PYHIN1: variants seen among roughly 807,000 people sequenced by gnomAD.
PYHIN1 encodes the protein pyrin and HIN domain-containing protein 1.
In PYHIN1, 32 loss-of-function variants were observed where a neutral mutation model predicts 43.7. The ratio of observed to expected loss-of-function variants is 0.73; its 90% confidence interval spans 0.55 to 0.98. PYHIN1 has a LOEUF of 0.98. Ranked by LOEUF, PYHIN1 falls within the 50% of genes least tolerant of loss-of-function variation. The probability of loss-of-function intolerance (pLI) is 0.00; values close to 1 mark genes in which losing one functional copy is unlikely to be tolerated. For synonymous variants in PYHIN1, 205 were observed against 203.1 expected (o/e 1.01, Z -0.08); for missense variants, 588 against 589.5 (o/e 1.00, Z 0.03).
intron 7 of PYHIN1, among the ~76,000 whole-genome samples, chr1:158,962,587 C>CA (rs779665714): frequency 2.3e-4 from 35 of 152,196 alleles, no homozygotes; most frequent in Admixed American, 3.3e-4. Context: ...GAGAAAATCT[C>CA]AGAGACAACC....
chr1:158,964,442 G>T (rs1184921868), intron 7 of PYHIN1, among the ~76,000 whole-genome samples: 1 of 152,050 alleles, frequency 6.6e-6, no homozygotes, highest in African/African-American at 2.4e-5. Context: ...TTCCAAGGTC[G>T]AAATGAATTT....
At chr1:158,934,071 A>G (rs1648345889) in intron 1 of PYHIN1, among the ~76,000 whole-genome samples, 2 of 152,098 alleles carry the variant, frequency 1.3e-5, no homozygotes, top group Admixed American at 1.3e-4. Context: ...TTTTCCTTCA[A>G]GACAAGATGA....
At chr1:158,979,508 CTTCATTAAGAAAGAATAACA>C (rs1651414389), downstream of PYHIN1, among the ~76,000 whole-genome samples, 2 of 152,026 alleles carry the variant, frequency 1.3e-5, no homozygotes, top group African/African-American at 2.4e-5. Flanking sequence ...GCAGAATTTC[CTTCATTAAGAAAGAATAACA>C]TTCCATTATA....
chr1:158,933,076 A>G lies in PYHIN1; in HGVS notation c.-21+1300A>G, dbSNP rs567832818. Among the ~76,000 whole-genome samples the G allele has an allele frequency of 9.2e-5, 14 of 151,974 alleles. No homozygotes were observed. The highest frequency in any genetic ancestry group is 3.4e-4 in the African/African-American group (14 of 41,440). On this transcript the variant is annotated intron_variant, in intron 1 of 8. Coordinates refer to ENST00000368140, the MANE Select transcript of PYHIN1 (RefSeq NM_152501.5). The surrounding 1 kb of genome is among the most constrained non-coding windows in gnomAD (Gnocchi z 6.3). ...CCTTGTTCATTTAGTATTGGAAGAT[A>G]TAATATAGAACCTCCTATTATAAGA...
At chr1:158,982,592 G>T in the PYHIN1 span, among the ~76,000 whole-genome samples, 1 of 151,930 alleles carries the variant, frequency 6.6e-6, no homozygotes, top group African/African-American at 2.4e-5. Context: ...CAGCTTTGTG[G>T]TTTCTGCATA....
chr1:158,970,707 T>C (rs1166350352), intron 7 of PYHIN1, among the ~76,000 whole-genome samples: 1 of 68,038 alleles, frequency 1.5e-5, no homozygotes, highest in Non-Finnish European at 3.5e-5. Flanking sequence ...GCATAAAATA[T>C]CTGTGAATAG....
Position 158,938,460 on chromosome 1 carries a change from A to T in PYHIN1, c.329A>T (p.Lys110Ile). ...ATCCCATCTAAAAAGACGAAACAGA[A>T]AGAAGTGTATCCTGCTACACCTGCA... ...GIIPSKKTKQKEVYPATPACT... is the reference protein window; with the variant it reads ...GIIPSKKTKQIEVYPATPACT... Residue 110 changes from lysine (K) to isoleucine (I), a missense_variant, in exon 3 of 9, where the codon AAA becomes ATA. Coordinates refer to ENST00000368140, the MANE Select transcript of PYHIN1 (RefSeq NM_152501.5). 1 of 1,614,176 alleles carries T rather than the reference A, an allele frequency of 6.2e-7. No homozygotes were observed. Among genetic ancestry groups the T allele is most frequent in the East Asian group, 2.2e-5 (1 of 44,882 alleles).
chr1:158,945,205 C>T (rs1649156819), intron 7 of PYHIN1, 163 bp downstream of exon 7: 1 of 623,276 alleles, frequency 1.6e-6, no homozygotes, highest in Non-Finnish European at 2.6e-6. Context: ...GATACTACCA[C>T]ATGATAGTCT....
intron 7 of PYHIN1, among the ~76,000 whole-genome samples, chr1:158,953,707 A>G (rs1241819800): frequency 2.0e-5 from 3 of 152,240 alleles, no homozygotes; most frequent in Non-Finnish European, 4.4e-5. Flanking sequence ...TCCTCCTCCA[A>G]AGAAACGCAG....
chr1:158,933,649 G>C lies in PYHIN1; in HGVS notation c.-21+1873G>C, dbSNP rs547318768. 1.2e-4 allele frequency among the ~76,000 whole-genome samples: 18 copies of C among 151,962 alleles called. No homozygotes were observed. The highest frequency in any genetic ancestry group is 4.3e-4 in the African/African-American group (18 of 41,466). On this transcript the variant is annotated intron_variant, in intron 1 of 8. Transcript: ENST00000368140. This position sits in a 1 kb window ranked among gnomAD's most constrained non-coding sequence, Gnocchi z 6.3. ...AATTAACATATTTTGGCCTGCTTCTGCTATCTTCACTTCAATTTATAACAC... is the reference window on the plus strand; with the variant it reads ...AATTAACATATTTTGGCCTGCTTCTCCTATCTTCACTTCAATTTATAACAC...
At chr1:158,987,390 C>A in the PYHIN1 span, among the ~76,000 whole-genome samples, 5 of 152,036 alleles carry the variant, frequency 3.3e-5, no homozygotes, top group African/African-American at 1.2e-4. Context: ...AGAGTCTTTG[C>A]CTATTTTTTA....
chr1:158,942,500 A>C, intron 5 of PYHIN1, 101 bp downstream of exon 5: 1 of 905,288 alleles, frequency 1.1e-6, no homozygotes, highest in East Asian at 2.5e-5. Context: ...TAACATTAAA[A>C]CTCAGGACTC....
intron 7 of PYHIN1, among the ~76,000 whole-genome samples, chr1:158,947,561 G>A (rs2101670909): frequency 6.6e-6 from 1 of 152,166 alleles, no homozygotes; most frequent in East Asian, 1.9e-4. Flanking sequence ...TACCTGTGGG[G>A]GTTTGTCCTG....
intron 2 of PYHIN1, 119 bp from the exon 3 acceptor site, chr1:158,938,278 A>C: frequency 9.2e-7 from 1 of 1,083,482 alleles, no homozygotes. Flanking sequence ...TGCAATAGAG[A>C]TAGACTAAAA....
the PYHIN1 span, among the ~76,000 whole-genome samples, chr1:158,988,058 G>A: frequency 7.7e-3 from 1,177 of 152,272 alleles, 16 homozygotes; most frequent in African/African-American, 0.027. Context: ...AGTAGGCACA[G>A]GACAGATTCT....
intron 6 of PYHIN1, among the ~76,000 whole-genome samples, chr1:158,944,375 A>G (rs941279845): frequency 6.6e-6 from 1 of 152,224 alleles, no homozygotes; most frequent in Non-Finnish European, 1.5e-5. Flanking sequence ...GAGATCATGG[A>G]TATACATTTT....
At position 158,976,698 on chromosome 1, in the gene PYHIN1, A is replaced by G; in HGVS notation, c.*6-3A>G. The G allele has an allele frequency of 6.3e-7, 1 of 1,588,878 alleles. No homozygotes were observed. Among genetic ancestry groups the G allele is most frequent in the Non-Finnish European group, 8.6e-7 (1 of 1,166,650 alleles). On this transcript the variant is annotated splice_region_variant and splice_polypyrimidine_tract_variant and intron_variant, in intron 8 of 8. Transcript: ENST00000368140. ...GTTTATTTTTATCTCTTTATGCTTC[A>G]AGGTCACCAAGGACAAGGATATCAA... is the stretch of plus-strand genomic sequence containing the variant.
At chr1:158,932,564 AT>A (rs779763318) in intron 1 of PYHIN1, among the ~76,000 whole-genome samples, 9 of 152,226 alleles carry the variant, frequency 5.9e-5, no homozygotes, top group Non-Finnish European at 1.0e-4. Context: ...CGGTATCTCA[AT>A]TTTACAAAAC....
chr1:158,961,764 T>G (rs1042693756), intron 7 of PYHIN1, among the ~76,000 whole-genome samples: 1 of 152,116 alleles, frequency 6.6e-6, no homozygotes, highest in African/African-American at 2.4e-5. Flanking sequence ...AAGTGGAGCC[T>G]GGGCAGAGCC....
Sources: gnomAD v4.1 joint callset for allele counts (sites outside exome capture counted in the v4.1 genomes callset) on GRCh38, gnomAD v4.1.1 for gene constraint, Gnocchi (gnomAD v3.1) non-coding constraint, MANE v1.5 for transcripts, NCBI Gene and HGNC (gene_info 2026-07-23, HGNC 2026-07-21) for gene names.